The following ATRN variants were observed in gnomAD, a reference collection of about 807,000 sequenced individuals.
ATRN encodes attractin-2.
In ATRN, 54 loss-of-function variants were observed where a neutral mutation model predicts 178.7. The observed-to-expected ratio is 0.30, with a 90% CI of 0.24 to 0.38. The LOEUF (loss-of-function observed/expected upper bound fraction) is 0.38. Ranked by LOEUF, ATRN falls within the 10% of genes least tolerant of loss-of-function variation. ATRN has a pLI of 1.00. For missense variants in ATRN, 1,443 were observed against 1,815.1 expected (o/e 0.79, Z 3.73); for synonymous variants, 636 against 663.0 (o/e 0.96, Z 0.63).
chr20:3,511,840 G>C (rs1025352722), intron 1 of ATRN, among the ~76,000 whole-genome samples: 2 of 151,774 alleles, frequency 1.3e-5, no homozygotes, highest in Non-Finnish European at 2.9e-5. Flanking sequence ...AAATGTGTGG[G>C]GCATTTGTTT....
intron 24 of ATRN, among the ~76,000 whole-genome samples, chr20:3,615,582 G>A (rs1188218643): frequency 7.6e-6 from 1 of 130,858 alleles, no homozygotes; most frequent in Non-Finnish European, 1.6e-5. Context: ...TGGAGACAGA[G>A]TCTCACTCTG....
At chr20:3,599,723 G>T (rs1160401097) in intron 22 of ATRN, among the ~76,000 whole-genome samples, 1 of 152,188 alleles carries the variant, frequency 6.6e-6, no homozygotes, top group Non-Finnish European at 1.5e-5. Flanking sequence ...ATTTGGGCAT[G>T]CTCAGGGGGT....
At chr20:3,557,155 C>T (rs962380771) in intron 6 of ATRN, among the ~76,000 whole-genome samples, 5 of 152,230 alleles carry the variant, frequency 3.3e-5, no homozygotes, top group Admixed American at 3.3e-4. Flanking sequence ...CAGTGGTATG[C>T]AGTCCATTTT....
intron 19 of ATRN, chr20:3,592,374 T>TG (rs1353809240): frequency 1.2e-6 from 1 of 837,484 alleles, no homozygotes; most frequent in African/African-American, 2.1e-5. Flanking sequence ...CACTCCAGCC[T>TG]GGGCAACAGA....
chr20:3,646,696 A>G (rs199662585), intron 28 of ATRN, 27 bp from the exon 29 acceptor site: 5 of 1,573,246 alleles, frequency 3.2e-6, no homozygotes, highest in East Asian at 2.3e-5. Flanking sequence ...TGCTCCCAGC[A>G]TATGTTCTCT....
rs370573473 is a variant in ATRN at position 3,560,810 on chromosome 20, T to C, written c.1352T>C (p.Ile451Thr). 2 of 1,614,192 alleles carry C rather than the reference T, an allele frequency of 1.2e-6. No homozygotes were observed. The change falls in exon 8 of 29, where the codon ATT becomes ACT. Residue 451 changes from isoleucine to threonine, a missense_variant. Transcript: ENST00000262919. The part of the protein sequence containing the change: ...QYAVVGHSAH[I>T]VTLKNGRVVM... Reference sequence around the variant, plus strand: ...GCAGTGGTTGGGCACTCTGCACACATTGTTACACTGAAGAATGGCCGAGTG... The same window carrying C: ...GCAGTGGTTGGGCACTCTGCACACACTGTTACACTGAAGAATGGCCGAGTG...
intron 1 of ATRN, among the ~76,000 whole-genome samples, chr20:3,491,999 A>G (rs528816813): frequency 4.6e-5 from 7 of 152,016 alleles, no homozygotes; most frequent in African/African-American, 1.2e-4. Context: ...TTTCATTGCT[A>G]TATATTTACG....
At chr20:3,527,480 T>C (rs2085383336) in intron 1 of ATRN, among the ~76,000 whole-genome samples, 1 of 151,580 alleles carries the variant, frequency 6.6e-6, no homozygotes, top group Admixed American at 6.6e-5. Flanking sequence ...TTGGTAGGAG[T>C]GTAAATAAGT....
At chr20:3,557,529 TACTTAA>T (rs2085895282) in intron 6 of ATRN, among the ~76,000 whole-genome samples, 1 of 152,210 alleles carries the variant, frequency 6.6e-6, no homozygotes, top group Non-Finnish European at 1.5e-5. Flanking sequence ...CTATGAGCTC[TACTTAA>T]ACAAAACAAA....
At position 3,638,771 on chromosome 20, in the gene ATRN, CTAAT is replaced by C; in HGVS notation, c.3943-56_3943-53del. 1 of 1,462,508 alleles carries C rather than the reference CTAAT, an allele frequency of 6.8e-7. No homozygotes were observed. The allele number at this position is 1,462,508 out of a possible 1,614,324, so 90.6% of individuals were successfully genotyped here. A position where few individuals can be genotyped will look rare whatever the true frequency, so the allele number is the denominator to read the frequency against. On this transcript the variant is annotated intron_variant, in intron 26 of 28. Coordinates refer to ENST00000262919, the MANE Select transcript of ATRN (RefSeq NM_139321.3). The surrounding 1 kb of genome is among the most constrained non-coding windows in gnomAD (Gnocchi z 4.5). ...AGGTGTTTTTAACATGTAGCATTAA[CTAAT>C]AAAACCCCTTCAGTACTCATTCCAT...
rs1260441484 is a variant in ATRN, at chr20:3,573,581, AAGAC to A, written c.2092+637_2092+640del. 2.0e-5 allele frequency among the ~76,000 whole-genome samples: 3 copies of A among 152,072 alleles called. No homozygotes were observed. The East Asian group carries it at 5.8e-4, about 29-fold the overall frequency. ...TCTAGTTGGATACAACAGTGATATC[AAGAC>A]AGACAGTTACTGAGGATGGGCGATG... On this transcript the variant is annotated intron_variant, in intron 12 of 28. Coordinates refer to ENST00000262919, the MANE Select transcript of ATRN (RefSeq NM_139321.3).
At chr20:3,524,912 T>C (rs1323358934) in intron 1 of ATRN, among the ~76,000 whole-genome samples, 2 of 152,188 alleles carry the variant, frequency 1.3e-5, no homozygotes, top group African/African-American at 4.8e-5. Flanking sequence ...AAGCAGTGTT[T>C]AGAGGGAAAT....
At chr20:3,532,340 A>G (rs1346763608) in intron 1 of ATRN, among the ~76,000 whole-genome samples, 1 of 152,174 alleles carries the variant, frequency 6.6e-6, no homozygotes, top group African/African-American at 2.4e-5. Context: ...TGGGAAATTT[A>G]CCTAAGAAAC....
At chr20:3,559,308 C>G (rs890267184) in intron 6 of ATRN, 85 bp from the exon 7 acceptor site, 1 of 1,109,182 alleles carries the variant, frequency 9.0e-7, no homozygotes, top group Non-Finnish European at 1.4e-6. Flanking sequence ...GTGAGCATCT[C>G]CAAACTGGAT....
intron 22 of ATRN, among the ~76,000 whole-genome samples, chr20:3,599,121 AAAT>A (rs1381637185): frequency 6.6e-6 from 1 of 152,192 alleles, no homozygotes; most frequent in Non-Finnish European, 1.5e-5. Context: ...TTTTAAGTAA[AAAT>A]AATAAATTAC....
At chr20:3,525,188 T>C (rs908949918) in intron 1 of ATRN, among the ~76,000 whole-genome samples, 1 of 151,870 alleles carries the variant, frequency 6.6e-6, no homozygotes, top group African/African-American at 2.4e-5. Flanking sequence ...AAGAATCAAA[T>C]AGACACAATA....
rs143912473 is a variant in ATRN at position 3,490,981 on chromosome 20, G to T, written c.410+19464G>T. ...CTTTCCTTCTCCTCATGATAGCGCC[G>T]CTGCTGCTCCAGTATTGTCTCCATC... On this transcript the variant is annotated intron_variant, in intron 1 of 28. Transcript: ENST00000262919. 894 of 1,536,258 alleles carry T rather than the reference G, an allele frequency of 5.8e-4. 3 individuals carry two copies. Among genetic ancestry groups the T allele is most frequent in the South Asian group, 1.2e-3 (111 of 89,526 alleles).
At chr20:3,477,174 C>A (rs919179649) in intron 1 of ATRN, among the ~76,000 whole-genome samples, 1 of 107,302 alleles carries the variant, frequency 9.3e-6, no homozygotes, top group African/African-American at 4.4e-5. Context: ...AATGTAAGTT[C>A]CATGAGGGCA....
At chr20:3,636,521 T>C (rs1259133219) in intron 26 of ATRN, among the ~76,000 whole-genome samples, 2 of 152,220 alleles carry the variant, frequency 1.3e-5, no homozygotes, top group African/African-American at 4.8e-5. Context: ...ATAACCAGCA[T>C]CACTCATGAT....
Sources: gnomAD v4.1 joint callset for allele counts (sites outside exome capture counted in the v4.1 genomes callset) on GRCh38, gnomAD v4.1.1 for gene constraint, Gnocchi (gnomAD v3.1) non-coding constraint, MANE v1.5 for transcripts, NCBI Gene and HGNC (gene_info 2026-07-23, HGNC 2026-07-21) for gene names.